The following XKR6 variants were observed in gnomAD, a reference collection of about 807,000 sequenced individuals.
The protein encoded by XKR6 is XK related 6.
In XKR6, 22 loss-of-function variants were observed where a neutral mutation model predicts 56.7. The ratio of observed to expected loss-of-function variants is 0.39; its 90% CI spans 0.28 to 0.55. XKR6 has a LOEUF of 0.55. Among genes scored for constraint, XKR6 ranks in the 20% least tolerant of loss-of-function variants. XKR6 has a pLI of 0.66. For synonymous variants in XKR6, 524 were observed against 387.8 expected (o/e 1.35, Z -4.13); for missense variants, 852 against 889.0 (o/e 0.96, Z 0.53).
chr8:11,014,786 G>T (rs969767639), intron 1 of XKR6, among the ~76,000 whole-genome samples: 3 of 151,982 alleles, frequency 2.0e-5, no homozygotes, highest in Non-Finnish European at 4.4e-5. Context: ...CCAAACCTCA[G>T]CATCCCGCAA....
At chr8:11,178,554 A>ATATATATATGTATATATATATATATATG (rs1802785350) in intron 1 of XKR6, among the ~76,000 whole-genome samples, 1 of 124,492 alleles carries the variant, frequency 8.0e-6, no homozygotes, top group African/African-American at 4.2e-5. Flanking sequence ...AAAAATATAT[A>ATATATATATGTATATATATATATATATG]TATATATATA....
At chr8:11,074,836 G>A (rs975455156) in intron 1 of XKR6, among the ~76,000 whole-genome samples, 1 of 152,236 alleles carries the variant, frequency 6.6e-6, no homozygotes, top group Admixed American at 6.5e-5. Flanking sequence ...TGGAGCATCT[G>A]TGGGCAGCTG....
intron 1 of XKR6, among the ~76,000 whole-genome samples, chr8:11,183,569 C>T (rs1175649158): frequency 6.6e-6 from 1 of 152,026 alleles, no homozygotes; most frequent in Non-Finnish European, 1.5e-5. Context: ...GTGATCCTCC[C>T]ACCTCAGCAT....
chr8:11,148,140 G>A (rs980984509), intron 1 of XKR6, among the ~76,000 whole-genome samples: 1 of 152,134 alleles, frequency 6.6e-6, no homozygotes. Context: ...AACTCAGGAG[G>A]CTGAGGCTGC....
At position 11,165,162 on chromosome 8, in the gene XKR6, C is replaced by T. The variant is rs992040569; in HGVS notation, c.764+35414G>A. Among the ~76,000 whole-genome samples the T allele has an allele frequency of 7.1e-5, 10 of 141,108 alleles. No homozygotes were observed. The South Asian group carries it at 1.3e-3, about 19-fold the overall frequency. 92.6% of individuals were successfully genotyped at this position (141,108 alleles called of 152,430 possible). ...TCACCCAGGCTGGAGTGCAATGGCA[C>T]GATCTTGGCTCACTGCAACCTCCGC... On this transcript the variant is annotated intron_variant, in intron 1 of 2. Coordinates refer to ENST00000416569, the MANE Select transcript of XKR6 (RefSeq NM_173683.4).
intron 1 of XKR6, among the ~76,000 whole-genome samples, chr8:10,925,574 T>C (rs1800855656): frequency 6.6e-6 from 1 of 152,056 alleles, no homozygotes; most frequent in Non-Finnish European, 1.5e-5. Context: ...GGGCTCTGTG[T>C]GGGAGGGCTG....
intron 1 of XKR6, among the ~76,000 whole-genome samples, chr8:11,055,793 C>G (rs544385332): frequency 7.0e-4 from 107 of 151,918 alleles, no homozygotes; most frequent in African/African-American, 2.4e-3. Flanking sequence ...CCGAAGTCCA[C>G]TGCACAGGGA....
chr8:10,998,255 G>C (rs969935939), intron 1 of XKR6, among the ~76,000 whole-genome samples: 5 of 151,844 alleles, frequency 3.3e-5, no homozygotes, highest in African/African-American at 1.2e-4. Flanking sequence ...AGAAGAAAGA[G>C]AAGGAGTGGC....
chr8:11,080,908 G>A (rs775535658), intron 1 of XKR6, among the ~76,000 whole-genome samples: 6 of 152,178 alleles, frequency 3.9e-5, no homozygotes, highest in Admixed American at 1.3e-4. Flanking sequence ...CTGTACACAC[G>A]TGAAAACTGT....
chr8:11,032,834 G>T (rs1019787385), intron 1 of XKR6, among the ~76,000 whole-genome samples: 4 of 152,206 alleles, frequency 2.6e-5, no homozygotes, highest in Non-Finnish European at 4.4e-5. Flanking sequence ...GCCCACAAAG[G>T]TGTTGACACT....
In XKR6 at chr8:11,200,887, G is replaced by C. The variant is rs776631847; in HGVS notation, c.453C>G (p.Leu151=). Residue 151 remains leucine (L), a synonymous_variant, in exon 1 of 3, where the codon CTC becomes CTG. Transcript: ENST00000416569. This position sits in a 1 kb window ranked among gnomAD's most constrained non-coding sequence, Gnocchi z 6.4. The part of the protein sequence containing the change: ...GDVGTDLWLA[L]DYYRKGDYVY... The stretch of plus-strand genomic sequence containing the variant: ...CGTAGTCCCCCTTGCGGTAGTAGTC[G>C]AGGGCCAGCCACAGGTCGGTGCCCA... 1.9e-6 allele frequency: 3 copies of C among 1,611,036 alleles called. No individual in the cohort carries two copies. Among genetic ancestry groups the C allele is most frequent in the African/African-American group, 1.3e-5 (1 of 74,772 alleles).
At chr8:10,899,739 C>T (rs1799983308) in intron 2 of XKR6, among the ~76,000 whole-genome samples, 1 of 152,194 alleles carries the variant, frequency 6.6e-6, no homozygotes, top group Admixed American at 6.5e-5. Context: ...TTTTCTGAGG[C>T]TTCCAAGGCC....
intron 1 of XKR6, among the ~76,000 whole-genome samples, chr8:11,026,489 C>CTAGATGGTCTAGCCTACTACACACT (rs1490277555): frequency 6.9e-6 from 1 of 145,190 alleles, no homozygotes. Flanking sequence ...TACTACACAC[C>CTAGATGGTCTAGCCTACTACACACT]TAGATGGTCT....
At chr8:11,185,629 T>C (rs2409726) in intron 1 of XKR6, among the ~76,000 whole-genome samples, 45,742 of 152,132 alleles carry the variant, frequency 0.3, 7,578 homozygotes, top group Non-Finnish European at 0.37. Flanking sequence ...AAGTCTCCAA[T>C]GATGGGACAT....
chr8:11,002,749 G>C (rs866636862), intron 1 of XKR6, among the ~76,000 whole-genome samples: 2 of 152,194 alleles, frequency 1.3e-5, no homozygotes, highest in African/African-American at 2.4e-5. Flanking sequence ...TCATAGACAA[G>C]GTGCGGGCTC....
At chr8:11,058,772 G>A (rs886648180) in intron 1 of XKR6, among the ~76,000 whole-genome samples, 3 of 152,092 alleles carry the variant, frequency 2.0e-5, no homozygotes, top group African/African-American at 7.2e-5. Context: ...GTTGATAGGT[G>A]CAACAAACCA....
At chr8:11,133,978 C>A (rs996314539) in intron 1 of XKR6, among the ~76,000 whole-genome samples, 7 of 152,186 alleles carry the variant, frequency 4.6e-5, no homozygotes, top group Non-Finnish European at 8.8e-5. Context: ...GATCTTCTAT[C>A]AAATAGCCTC....
intron 1 of XKR6, among the ~76,000 whole-genome samples, chr8:10,949,725 G>T (rs1296925782): frequency 6.6e-6 from 1 of 152,232 alleles, no homozygotes; most frequent in Non-Finnish European, 1.5e-5. Flanking sequence ...AAGGACCGGT[G>T]CCTACAGACT....
intron 1 of XKR6, among the ~76,000 whole-genome samples, chr8:10,951,910 T>C (rs1801736070): frequency 6.6e-6 from 1 of 152,088 alleles, no homozygotes; most frequent in Admixed American, 6.5e-5. Flanking sequence ...GCAGAAGGGC[T>C]GGGCTGAGTG....
Sources: gnomAD v4.1 joint callset for allele counts (sites outside exome capture counted in the v4.1 genomes callset) on GRCh38, gnomAD v4.1.1 for gene constraint, Gnocchi (gnomAD v3.1) non-coding constraint, MANE v1.5 for transcripts, NCBI Gene and HGNC (gene_info 2026-07-23, HGNC 2026-07-21) for gene names.